Variants in EXOSC2 observed in about 807,000 individuals in gnomAD.
EXOSC2 encodes exosome component 2.
In EXOSC2, 29 loss-of-function variants were observed where a neutral mutation model predicts 37.6. That is an observed-to-expected ratio of 0.77 (90% CI 0.57 to 1.05). The LOEUF (loss-of-function observed/expected upper bound fraction) is 1.05, where lower values mean the gene tolerates loss of function less well. EXOSC2 is among the 50% of genes least tolerant of loss of function. The probability of loss-of-function intolerance (pLI) is 0.00; values close to 1 mark genes in which losing one functional copy is unlikely to be tolerated. For synonymous variants in EXOSC2, 119 were observed against 131.1 expected, an observed-to-expected ratio of 0.91 and a Z score of 0.63; for missense variants, 346 against 365.6, an observed-to-expected ratio of 0.95 and a Z score of 0.44.
chr9:130,702,013 A>T (rs1183222277), intron 6 of EXOSC2, 121 bp from the exon 7 acceptor site: 1 of 1,462,730 alleles, frequency 6.8e-7, no homozygotes, highest in Non-Finnish European at 9.0e-7. Context: ...CATGTAGGCG[A>T]CAGCAATTAT....
At chr9:130,693,981 G>A in intron 1 of EXOSC2, 68 bp downstream of exon 1, 3 of 1,516,906 alleles carry the variant, frequency 2.0e-6, no homozygotes, top group Non-Finnish European at 2.7e-6. Context: ...CGTGGTCCAG[G>A]CCTCGTATCC....
Position 130,703,773 on chromosome 9 carries a change from A to T in EXOSC2, c.881A>T (p.Ter294LeuextTer38). ...TRQRLLEQEG[*>L] ...CAGAGGCTTTTGGAACAGGAGGGATAAGGAGGTGCTCCAGAAGCACGGGAC... is the reference window on the plus strand; with the variant it reads ...CAGAGGCTTTTGGAACAGGAGGGATTAGGAGGTGCTCCAGAAGCACGGGAC... The change falls in exon 9 of 9, where the codon TAA (stop) becomes TTA (leucine). Residue 294 changes from the stop codon to leucine, a stop_lost. Coordinates refer to ENST00000372358, the MANE Select transcript of EXOSC2 (RefSeq NM_014285.7). 6.2e-7 allele frequency: 1 copy of T among 1,612,998 alleles called. No homozygotes were observed. Among genetic ancestry groups the T allele is most frequent in the Non-Finnish European group, 8.5e-7 (1 of 1,179,266 alleles).
At chr9:130,697,803 T>C in intron 3 of EXOSC2, 176 bp downstream of exon 3, 1 of 644,094 alleles carries the variant, frequency 1.6e-6, no homozygotes, top group Admixed American at 2.7e-5. Flanking sequence ...TTCATGTTTT[T>C]TTTTTTTTGA....
rs141568394 is a variant in EXOSC2, at chr9:130,698,109, G to A, written c.271-53G>A. On this transcript the variant is annotated intron_variant, in intron 3 of 8. Transcript: ENST00000372358. The surrounding 1 kb of genome is among the most constrained non-coding windows in gnomAD (Gnocchi z 4.1). ...ACATCTGGCCTTACTGGTTATTTATGATATGACACATGAACATGGAGCATG... is the reference window on the plus strand; with the variant it reads ...ACATCTGGCCTTACTGGTTATTTATAATATGACACATGAACATGGAGCATG... 29 of 1,551,354 alleles carry A rather than the reference G, an allele frequency of 1.9e-5. No homozygotes were observed. In the African/African-American group the frequency reaches 3.4e-4, roughly 18 times the overall value.
chr9:130,695,629 C>T, intron 2 of EXOSC2, 36 bp downstream of exon 2: 1 of 1,589,248 alleles, frequency 6.3e-7, no homozygotes, highest in Non-Finnish European at 8.6e-7. Flanking sequence ...TTTCTTGCAG[C>T]ATCAGGTTGT....
At chr9:130,699,246 A>G in intron 4 of EXOSC2, 83 bp from the exon 5 acceptor site, 3 of 1,418,092 alleles carry the variant, frequency 2.1e-6, no homozygotes, top group Non-Finnish European at 3.0e-6. Flanking sequence ...GGCCTCAAAC[A>G]TCTCAAAAGG....
intron 7 of EXOSC2, 130 bp downstream of exon 7, chr9:130,702,440 C>G: frequency 1.4e-6 from 1 of 701,530 alleles, no homozygotes; most frequent in Non-Finnish European, 2.4e-6. Context: ...GACTTTCCAT[C>G]ACGGTATGTT....
chr9:130,693,941 C>T, intron 1 of EXOSC2, 28 bp downstream of exon 1: 1 of 1,575,264 alleles, frequency 6.3e-7, no homozygotes. Context: ...GGAGTCGAGG[C>T]TTCAGAGAGC....
intron 6 of EXOSC2, chr9:130,701,719 T>A (rs1831219198): frequency 1.2e-6 from 1 of 837,012 alleles, no homozygotes; most frequent in Admixed American, 5.8e-5. Context: ...TCTCCTTACC[T>A]ACCCAGAGGC....
In EXOSC2 at chr9:130,698,675, T is replaced by A. The variant is rs977811126; in HGVS notation, c.360+424T>A. On this transcript the variant is annotated intron_variant, in intron 4 of 8. Transcript: ENST00000372358. The surrounding 1 kb of genome is among the most constrained non-coding windows in gnomAD (Gnocchi z 4.1). Reference sequence around the variant, plus strand: ...TTGCTGGCATTCCAGACAACCACAGTAACTAAGCCACAGCCTTTTGTAAAA... The same window carrying A: ...TTGCTGGCATTCCAGACAACCACAGAAACTAAGCCACAGCCTTTTGTAAAA... Among the ~76,000 whole-genome samples the A allele has an allele frequency of 6.6e-6, 1 of 152,212 alleles. No individual in the cohort carries two copies. The highest frequency in any genetic ancestry group is 1.5e-5 in the Non-Finnish European group (1 of 68,038).
intron 2 of EXOSC2, among the ~76,000 whole-genome samples, chr9:130,696,436 G>T (rs1831098847): frequency 6.6e-6 from 1 of 152,130 alleles, no homozygotes; most frequent in Non-Finnish European, 1.5e-5. Context: ...ACTTGATCTG[G>T]ACTTAAGCTC....
intron 8 of EXOSC2, 51 bp downstream of exon 8, chr9:130,703,232 T>A (rs1353566245): frequency 1.9e-6 from 3 of 1,572,014 alleles, no homozygotes; most frequent in Non-Finnish European, 2.6e-6. Flanking sequence ...AGCTGCTCTG[T>A]TGTTTGTTCA....
In EXOSC2 at chr9:130,704,633, T is replaced by A; in HGVS notation, c.*859T>A. 1 of 152,086 alleles carries A rather than the reference T, an allele frequency of 6.6e-6. No homozygotes were observed. Among genetic ancestry groups the A allele is most frequent in the East Asian group, 1.9e-4 (1 of 5,186 alleles). 9.4% of individuals were successfully genotyped at this position (152,086 alleles called of 1,614,324 possible). On this transcript the variant is annotated 3_prime_UTR_variant, in exon 9 of 9. Transcript: ENST00000372358. Reference sequence around the variant, plus strand: ...TGATTATGTCCACACCGGGCTGCCTTAATCTGTCCTGCTTGGAGAGTGACT... The same window carrying A: ...TGATTATGTCCACACCGGGCTGCCTAAATCTGTCCTGCTTGGAGAGTGACT...
At chr9:130,703,503 G>A (rs1242091863) in intron 8 of EXOSC2, among the ~76,000 whole-genome samples, 191 bp from the exon 9 acceptor site, 1 of 152,144 alleles carries the variant, frequency 6.6e-6, no homozygotes, top group Admixed American at 6.5e-5. Context: ...TGTTCTTGTC[G>A]ACTATATCCC....
chr9:130,701,861 C>T, intron 6 of EXOSC2: 1 of 1,196,886 alleles, frequency 8.4e-7, no homozygotes, highest in Non-Finnish European at 1.0e-6. Context: ...TAATGTCTGG[C>T]ACATGAGTTC....
At chr9:130,701,611 CT>C (rs1374000928) in intron 6 of EXOSC2, 1 of 986,752 alleles carries the variant, frequency 1.0e-6, no homozygotes, top group East Asian at 1.1e-4. Flanking sequence ...AGTATGCTGA[CT>C]TTCACAACCC....
At chr9:130,695,350 G>A in intron 1 of EXOSC2, 142 bp from the exon 2 acceptor site, 2 of 699,066 alleles carry the variant, frequency 2.9e-6, no homozygotes, top group South Asian at 1.6e-5. Context: ...AAGGAGCACT[G>A]AAGGCAGAGG....
rs144103964 is a variant in EXOSC2 at position 130,696,409 on chromosome 9, G to A, written c.224+816G>A. On this transcript the variant is annotated intron_variant, in intron 2 of 8. Transcript: ENST00000372358. ...GTGTAATCTGGGAAGCACTGGAAGGGGTGGAGCAGAGGAGGGACTTGATCT... is the reference window on the plus strand; with the variant it reads ...GTGTAATCTGGGAAGCACTGGAAGGAGTGGAGCAGAGGAGGGACTTGATCT... 3.9e-4 allele frequency among the ~76,000 whole-genome samples: 59 copies of A among 152,258 alleles called. No individual in the cohort carries two copies. The East Asian group carries it at 0.011, about 28-fold the overall frequency.
At chr9:130,699,230 G>A in intron 4 of EXOSC2, 99 bp from the exon 5 acceptor site, 1 of 1,181,138 alleles carries the variant, frequency 8.5e-7, no homozygotes, top group Non-Finnish European at 1.3e-6. Flanking sequence ...CTTGAATATT[G>A]TGGTTGGCCT....
Sources: allele counts gnomAD v4.1 joint callset (sites outside exome capture counted in the v4.1 genomes callset), GRCh38; gene constraint gnomAD v4.1.1; non-coding constraint Gnocchi (gnomAD v3.1); transcripts MANE v1.5; gene names NCBI Gene and HGNC (gene_info 2026-07-23, HGNC 2026-07-21).